Variants in CRYBG3 observed in about 807,000 individuals in gnomAD.
The protein encoded by CRYBG3 is crystallin beta-gamma domain containing 3.
A neutral mutation model predicts 244.2 loss-of-function variants in CRYBG3; 127 were observed. That is an observed-to-expected ratio of 0.52 (90% CI 0.45 to 0.60). The LOEUF is 0.60. Ranked by LOEUF, CRYBG3 falls within the 20% of genes least tolerant of loss-of-function variation. CRYBG3 has a pLI of 0.00. For missense variants in CRYBG3, 3,325 were observed against 3,442.5 expected, an observed-to-expected ratio of 0.97 and a Z score of 0.85; for synonymous variants, 1,132 against 1,195.8, an observed-to-expected ratio of 0.95 and a Z score of 1.10.
chr3:97,937,026 G>A, intron 19 of CRYBG3, 118 bp downstream of exon 19: 1 of 1,076,262 alleles, frequency 9.3e-7, no homozygotes, highest in Non-Finnish European at 1.3e-6. Context: ...ATAGTAGGGG[G>A]AGTGAATTAG....
intron 2 of CRYBG3, among the ~76,000 whole-genome samples, chr3:97,855,944 A>G (rs746687515): frequency 6.6e-6 from 1 of 152,164 alleles, no homozygotes; most frequent in Non-Finnish European, 1.5e-5. Flanking sequence ...TGTCATTGAC[A>G]ACATCTTATC....
chr3:97,841,620 C>A (rs1462560355), intron 1 of CRYBG3, among the ~76,000 whole-genome samples: 1 of 151,986 alleles, frequency 6.6e-6, no homozygotes, highest in Non-Finnish European at 1.5e-5. Context: ...CGCTTTGGGA[C>A]AGCCTTTATT....
chr3:97,869,102 T>C (rs562831107), intron 3 of CRYBG3, among the ~76,000 whole-genome samples: 12 of 152,312 alleles, frequency 7.9e-5, no homozygotes, highest in South Asian at 2.1e-4. Context: ...TATTTTGATA[T>C]GGCGTTTTAC....
At chr3:97,921,896 T>C (rs1388286507) in intron 17 of CRYBG3, among the ~76,000 whole-genome samples, 1 of 152,154 alleles carries the variant, frequency 6.6e-6, no homozygotes, top group East Asian at 1.9e-4. Flanking sequence ...CACTGGGGCC[T>C]TGGAATGGAA....
rs1408634521 is a variant in CRYBG3 at position 97,888,404 on chromosome 3, G to A, written c.7353G>A (p.Gly2451=). The change falls in exon 9 of 22, where the codon GGG becomes GGA. Residue 2451 remains glycine (G), a synonymous_variant. Coordinates refer to ENST00000389622, the MANE Select transcript of CRYBG3 (RefSeq NM_153605.4). ...CTACAGTTCTGGAGGAAGACCATGG[G>A]CTCTTTGAGATTTCTACAGCAGAAA... ...GQATVLEEDH[G]LFEISTAEMK... 3 of 1,613,070 alleles carry A rather than the reference G, an allele frequency of 1.9e-6. No homozygotes were observed. Among genetic ancestry groups the A allele is most frequent in the Non-Finnish European group, 1.7e-6 (2 of 1,179,302 alleles).
chr3:97,911,428 A>G (rs1047655721), intron 15 of CRYBG3, among the ~76,000 whole-genome samples: 1 of 152,234 alleles, frequency 6.6e-6, no homozygotes, highest in Non-Finnish European at 1.5e-5. Flanking sequence ...AAAGGGAATT[A>G]TAGTTGAGAT....
chr3:97,933,966 G>A, intron 18 of CRYBG3, 133 bp downstream of exon 18: 3 of 608,740 alleles, frequency 4.9e-6, no homozygotes, highest in Non-Finnish European at 8.5e-6. Context: ...GAAGAGAAGG[G>A]CTACCATATG....
In CRYBG3 at chr3:97,876,962, A is replaced by G. The variant is rs1486289956; in HGVS notation, c.5768A>G (p.Asn1923Ser). 2 of 1,507,456 alleles carry G rather than the reference A, an allele frequency of 1.3e-6. No individual in the cohort carries two copies. Among genetic ancestry groups the G allele is most frequent in the Non-Finnish European group, 1.8e-6 (2 of 1,131,138 alleles). The allele number at this position is 1,507,456 out of a possible 1,614,324, so 93.4% of individuals were successfully genotyped here. The stretch of plus-strand genomic sequence containing the variant: ...AAGGAAGGCTTGATAGCACATGAAA[A>G]TAGACTTCCTACATATTTCAGGGGA... ...EIKEGLIAHE[N>S]RLPTYFRGYE... Residue 1923 changes from asparagine to serine, a missense_variant, in exon 4 of 22, where the codon AAT becomes AGT. Coordinates refer to ENST00000389622, the MANE Select transcript of CRYBG3 (RefSeq NM_153605.4).
chr3:97,879,982 C>T lies in CRYBG3; in HGVS notation c.6889-3C>T. 1.4e-6 allele frequency: 2 copies of T among 1,392,974 alleles called. No homozygotes were observed. The highest frequency in any genetic ancestry group is 2.0e-6 in the Non-Finnish European group (2 of 987,170). 86.3% of individuals were successfully genotyped at this position (1,392,974 alleles called of 1,614,324 possible). On this transcript the variant is annotated splice_polypyrimidine_tract_variant and splice_region_variant and intron_variant, in intron 5 of 21. Coordinates refer to ENST00000389622, the MANE Select transcript of CRYBG3 (RefSeq NM_153605.4). ...CTACTTACTGCTATTTACTGTGTTG[C>T]AGATGGTTATCTATGATCTCCATGA...
chr3:97,871,813 C>T (rs1351342841), intron 3 of CRYBG3, 29 bp from the exon 4 acceptor site: 1 of 1,413,776 alleles, frequency 7.1e-7, no homozygotes, highest in East Asian at 2.5e-5. Context: ...AATTATATTT[C>T]CTGATACTCT....
intron 11 of CRYBG3, among the ~76,000 whole-genome samples, chr3:97,894,992 T>C (rs1289272966): frequency 2.0e-5 from 3 of 152,138 alleles, no homozygotes. Context: ...AAACAATTAT[T>C]TGGAATACTT....
chr3:97,932,169 A>G (rs2040105244), intron 17 of CRYBG3, among the ~76,000 whole-genome samples: 1 of 151,908 alleles, frequency 6.6e-6, no homozygotes. Flanking sequence ...TTTATTTTTT[A>G]GAAAAATTTT....
chr3:97,902,978 T>C (rs2039722589), intron 15 of CRYBG3, among the ~76,000 whole-genome samples: 1 of 152,074 alleles, frequency 6.6e-6, no homozygotes. Context: ...TCAGAGGAGG[T>C]TGTAGTTAGG....
chr3:97,856,131 A>T (rs2039060533), intron 2 of CRYBG3, among the ~76,000 whole-genome samples: 1 of 152,104 alleles, frequency 6.6e-6, no homozygotes, highest in Non-Finnish European at 1.5e-5. Flanking sequence ...ACCCCCAGGC[A>T]CGTATTCTCT....
chr3:97,941,009 A>C (rs1644932425), intron 19 of CRYBG3, 139 bp from the exon 20 acceptor site: 4 of 635,182 alleles, frequency 6.3e-6, no homozygotes, highest in Non-Finnish European at 1.1e-5. Context: ...ATCTATGCAG[A>C]TTTACTAAAG....
intron 19 of CRYBG3, among the ~76,000 whole-genome samples, chr3:97,938,796 T>A (rs4857301): frequency 0.28 from 42,801 of 151,742 alleles, 6,973 homozygotes; most frequent in East Asian, 0.47. Context: ...TTGAAAATTT[T>A]TTATTATTAT....
chr3:97,939,080 T>C (rs1471007394), intron 19 of CRYBG3, among the ~76,000 whole-genome samples: 1 of 152,004 alleles, frequency 6.6e-6, no homozygotes, highest in Non-Finnish European at 1.5e-5. Flanking sequence ...TGAAAATATG[T>C]TCCTCATTTT....
chr3:97,827,875 T>C (rs1314928554), intron 1 of CRYBG3, among the ~76,000 whole-genome samples: 1 of 152,168 alleles, frequency 6.6e-6, no homozygotes, highest in African/African-American at 2.4e-5. Context: ...TTCCTCCGCT[T>C]AACTTGGGAA....
In CRYBG3 at chr3:97,933,871, TGTTTTAAGACAGA is replaced by T. The variant is rs755977647; in HGVS notation, c.8381+42_8381+54del. 51 of 1,595,224 alleles carry T rather than the reference TGTTTTAAGACAGA, an allele frequency of 3.2e-5. 2 individuals carry two copies. The South Asian group carries it at 5.7e-4, about 18-fold the overall frequency. ...AAAAGGCTTGGTCTGGTTCAGTTACTGTTTTAAGACAGAGTTGCAGAGTTGCAAACCAAGTCCA... is the reference window on the plus strand; with the variant it reads ...AAAAGGCTTGGTCTGGTTCAGTTACTGTTGCAGAGTTGCAAACCAAGTCCA... On this transcript the variant is annotated intron_variant, in intron 18 of 21. Coordinates refer to ENST00000389622, the MANE Select transcript of CRYBG3 (RefSeq NM_153605.4).
Sources: gnomAD v4.1 joint callset for allele counts (sites outside exome capture counted in the v4.1 genomes callset) on GRCh38, gnomAD v4.1.1 for gene constraint, MANE v1.5 for transcripts, NCBI Gene and HGNC (gene_info 2026-07-23, HGNC 2026-07-21) for gene names.